Variants in CALN1 observed in about 807,000 individuals in gnomAD.
CALN1 encodes the protein calneuron 1, also known as calcium-binding protein 8.
CALN1 carries 17 observed loss-of-function variants against 30.6 expected under a neutral mutation model. That is an observed-to-expected ratio of 0.56 (90% confidence interval 0.38 to 0.83). The LOEUF is 0.83. Ranked by LOEUF, CALN1 falls within the 40% of genes least tolerant of loss-of-function variation. The pLI, the probability that CALN1 is intolerant of heterozygous loss-of-function variation, is 0.00. For synonymous variants in CALN1, 156 were observed against 131.4 expected (o/e 1.19, Z -1.28); for missense variants, 291 against 354.9 (o/e 0.82, Z 1.45).
chr7:72,003,617 A>C (rs971538637), intron 5 of CALN1, among the ~76,000 whole-genome samples: 2 of 152,188 alleles, frequency 1.3e-5, no homozygotes, highest in Non-Finnish European at 2.9e-5. Context: ...TGAGGGATCT[A>C]GGTTGTATGC....
intron 2 of CALN1, among the ~76,000 whole-genome samples, chr7:72,364,331 T>A (rs12670580): frequency 0.088 from 13,405 of 152,202 alleles, 1,096 homozygotes; most frequent in East Asian, 0.36. Flanking sequence ...TCAAAATAAT[T>A]AATGGGGAAG....
At position 72,358,317 on chromosome 7, in the gene CALN1, G is replaced by A. The variant is rs552111520; in HGVS notation, c.119+44934C>T. The stretch of plus-strand genomic sequence containing the variant: ...CTAGCCTTGGATCACAAATTTTCAC[G>A]TGGAGTGATATCCACTAGTGTAACA... On this transcript the variant is annotated intron_variant, in intron 2 of 6. Transcript: ENST00000395275. Among the ~76,000 whole-genome samples the A allele has an allele frequency of 1.5e-4, 23 of 152,082 alleles. 1 individual carries two copies. The South Asian group carries it at 4.6e-3, about 30-fold the overall frequency.
rs1801082683 is a variant in CALN1 at position 72,026,711 on chromosome 7, T to G, written c.389-2942A>C. On this transcript the variant is annotated intron_variant, in intron 4 of 6. Coordinates refer to ENST00000395275, the MANE Select transcript of CALN1 (RefSeq NM_031468.4). Reference sequence around the variant, plus strand: ...GATTACAGGCATGAGCCACCATACCTGACCTTAATAACTTCATTTTTAGAG... The same window carrying G: ...GATTACAGGCATGAGCCACCATACCGGACCTTAATAACTTCATTTTTAGAG... 3.9e-5 allele frequency among the ~76,000 whole-genome samples: 6 copies of G among 152,220 alleles called. 1 individual carries two copies. In the Middle Eastern group the frequency reaches 0.02, roughly 518 times the overall value.
At chr7:72,000,199 T>C (rs1011333416) in intron 5 of CALN1, among the ~76,000 whole-genome samples, 1 of 151,768 alleles carries the variant, frequency 6.6e-6, no homozygotes, top group East Asian at 1.9e-4. Context: ...AACAATGAAA[T>C]TGGATATAGA....
chr7:72,465,534 T>C, the CALN1 span, among the ~76,000 whole-genome samples: 1 of 152,176 alleles, frequency 6.6e-6, no homozygotes, highest in Non-Finnish European at 1.5e-5. Flanking sequence ...CCCTGACTGC[T>C]GCAGCCAGGA....
At chr7:72,223,696 A>C (rs561195115) in intron 3 of CALN1, among the ~76,000 whole-genome samples, 1 of 152,350 alleles carries the variant, frequency 6.6e-6, no homozygotes, top group East Asian at 1.9e-4. Context: ...AGCCACCCGC[A>C]CTAGCATGTT....
At chr7:72,146,457 G>A (rs970830028) in intron 3 of CALN1, among the ~76,000 whole-genome samples, 2 of 152,128 alleles carry the variant, frequency 1.3e-5, no homozygotes, top group African/African-American at 2.4e-5. Context: ...ACTACTCAAC[G>A]AAATAAAAGA....
intron 3 of CALN1, among the ~76,000 whole-genome samples, chr7:72,147,804 T>C (rs1334851345): frequency 1.3e-5 from 2 of 151,894 alleles, no homozygotes; most frequent in Non-Finnish European, 2.9e-5. Context: ...TGTAGGGACA[T>C]GGATGAAGCT....
chr7:72,192,213 T>C (rs1391824384), intron 3 of CALN1, among the ~76,000 whole-genome samples: 1 of 152,170 alleles, frequency 6.6e-6, no homozygotes, highest in Non-Finnish European at 1.5e-5. Context: ...GCTCCTAGGG[T>C]ACAAACCTGT....
At chr7:72,219,119 A>G (rs964635220) in intron 3 of CALN1, among the ~76,000 whole-genome samples, 5 of 152,162 alleles carry the variant, frequency 3.3e-5, no homozygotes, top group African/African-American at 1.2e-4. Flanking sequence ...CAGCCATTCT[A>G]TTTCTCAATT....
intron 5 of CALN1, among the ~76,000 whole-genome samples, chr7:71,866,663 C>T (rs1270447349): frequency 6.6e-6 from 1 of 152,158 alleles, no homozygotes; most frequent in Non-Finnish European, 1.5e-5. Context: ...AGTCAACATC[C>T]TACCGAACCC....
In CALN1 at chr7:72,121,270, TATTATATA is replaced by T. The variant is rs528131531; in HGVS notation, c.245-14984_245-14977del. Among the ~76,000 whole-genome samples the T allele has an allele frequency of 9.0e-3, 1,194 of 132,898 alleles. 4 individuals are homozygous for T. The highest frequency in any genetic ancestry group is 0.028 in the African/African-American group (1,048 of 37,380). The allele number at this position is 132,898 out of a possible 152,430, so 87.2% of individuals were successfully genotyped here. A position where few individuals can be genotyped will look rare whatever the true frequency, so the allele number is the denominator to read the frequency against. ...ATAATACATATCTATTATATATCTA[TATTATATA>T]ATAATATATAAATTATATAATTTAT... On this transcript the variant is annotated intron_variant, in intron 3 of 6. Coordinates refer to ENST00000395275, the MANE Select transcript of CALN1 (RefSeq NM_031468.4).
chr7:71,889,865 T>C (rs1793135570), intron 5 of CALN1, among the ~76,000 whole-genome samples: 1 of 151,630 alleles, frequency 6.6e-6, no homozygotes, highest in African/African-American at 2.4e-5. Flanking sequence ...CTCTGGAGGC[T>C]GAGGCAGGAG....
At chr7:72,082,356 C>G (rs1162775288) in intron 4 of CALN1, among the ~76,000 whole-genome samples, 2 of 152,158 alleles carry the variant, frequency 1.3e-5, no homozygotes, top group African/African-American at 4.8e-5. Flanking sequence ...GCATGCTGTA[C>G]CCACCACTAC....
intron 2 of CALN1, among the ~76,000 whole-genome samples, chr7:72,351,091 A>G (rs1483719265): frequency 1.3e-5 from 2 of 152,224 alleles, no homozygotes; most frequent in Non-Finnish European, 2.9e-5. Flanking sequence ...CAGTGAGCCA[A>G]GATCACGCCA....
At chr7:71,991,614 A>C (rs1798958364) in intron 5 of CALN1, among the ~76,000 whole-genome samples, 1 of 152,254 alleles carries the variant, frequency 6.6e-6, no homozygotes, top group Non-Finnish European at 1.5e-5. Flanking sequence ...CATAAGCACC[A>C]GGCAGGTTGT....
At chr7:72,399,565 G>GA (rs1806200687) in intron 2 of CALN1, among the ~76,000 whole-genome samples, 1 of 152,012 alleles carries the variant, frequency 6.6e-6, no homozygotes, top group African/African-American at 2.4e-5. Context: ...CACCGTGCCT[G>GA]ACCTAACCTA....
intron 1 of CALN1, among the ~76,000 whole-genome samples, chr7:72,439,185 C>G (rs1016524315): frequency 6.6e-6 from 1 of 152,258 alleles, no homozygotes; most frequent in East Asian, 1.9e-4. Flanking sequence ...CACACACCAT[C>G]ATAACTAGTT....
At chr7:71,923,122 TTTGGCCCA>T (rs1247205552) in intron 5 of CALN1, among the ~76,000 whole-genome samples, 10 of 151,704 alleles carry the variant, frequency 6.6e-5, no homozygotes, top group Admixed American at 2.6e-4. Context: ...AAAATTTATT[TTTGGCCCA>T]GCCCTGGCTG....
Sources: gnomAD v4.1 joint callset for allele counts (sites outside exome capture counted in the v4.1 genomes callset) on GRCh38, gnomAD v4.1.1 for gene constraint, MANE v1.5 for transcripts, NCBI Gene and HGNC (gene_info 2026-07-23, HGNC 2026-07-21) for gene names.